ZDHHC11B: variants seen among roughly 807,000 people sequenced by gnomAD.
ZDHHC11B encodes zDHHC palmitoyltransferase 11B (putative), also known as probable palmitoyltransferase ZDHHC11B.
In ZDHHC11B, 17 loss-of-function variants were observed where a neutral mutation model predicts 42.3. The ratio of observed to expected loss-of-function variants is 0.40; its 90% CI spans 0.27 to 0.60. The LOEUF (loss-of-function observed/expected upper bound fraction) is 0.60, where lower values mean the gene tolerates loss of function less well. ZDHHC11B is among the 20% of genes least tolerant of loss of function. The probability of loss-of-function intolerance (pLI) is 0.41; values close to 1 mark genes in which losing one functional copy is unlikely to be tolerated. For missense variants in ZDHHC11B, 262 were observed against 463.2 expected (o/e 0.57, Z 3.99); for synonymous variants, 123 against 193.5 (o/e 0.64, Z 3.02).
At position 766,624 on chromosome 5, in the gene ZDHHC11B, C is replaced by T. The variant is rs1306315616; in HGVS notation, c.222+74G>A. The T allele has an allele frequency of 4.8e-6, 7 of 1,462,550 alleles. No individual in the cohort carries two copies. The African/African-American group carries it at 5.5e-5, about 12-fold the overall frequency. The allele number at this position is 1,462,550 out of a possible 1,614,324, so 90.6% of individuals were successfully genotyped here. ...TGCCACCGGGCAGCCATGGCCCAGA[C>T]CCCACAGCCAGGTCCATCGCAGGGT... is the stretch of plus-strand genomic sequence containing the variant. On this transcript the variant is annotated intron_variant, in intron 4 of 13. Coordinates refer to ENST00000508859, the MANE Select transcript of ZDHHC11B (RefSeq NM_001351303.2).
chr5:736,692 A>T (rs1158045671), intron 10 of ZDHHC11B, among the ~76,000 whole-genome samples: 19 of 135,930 alleles, frequency 1.4e-4, no homozygotes, highest in African/African-American at 5.1e-4. Context: ...AAATATGTAG[A>T]AATTAAATAA....
At chr5:736,832 T>G (rs1743579551) in intron 10 of ZDHHC11B, among the ~76,000 whole-genome samples, 1 of 128,802 alleles carries the variant, frequency 7.8e-6, no homozygotes, top group African/African-American at 2.9e-5. Flanking sequence ...TAAAGGAATG[T>G]TCACAGCATT....
intron 1 of ZDHHC11B, among the ~76,000 whole-genome samples, chr5:770,588 C>A (rs1385713544): frequency 6.6e-6 from 1 of 151,976 alleles, no homozygotes; most frequent in Non-Finnish European, 1.5e-5. Context: ...CTGTGACGTG[C>A]TGCCTTCCTC....
At chr5:749,887 C>T (rs1745378445) in intron 7 of ZDHHC11B, among the ~76,000 whole-genome samples, 2 of 122,996 alleles carry the variant, frequency 1.6e-5, no homozygotes, top group African/African-American at 2.8e-5. Flanking sequence ...GAGGTCAGGG[C>T]CTCGCCAGGG....
intron 9 of ZDHHC11B, among the ~76,000 whole-genome samples, chr5:744,500 T>G (rs1157485201): frequency 6.7e-6 from 1 of 149,222 alleles, no homozygotes; most frequent in African/African-American, 2.5e-5. Flanking sequence ...TATGTCTATT[T>G]AGACTTTCTA....
intron 1 of ZDHHC11B, among the ~76,000 whole-genome samples, chr5:771,799 G>A (rs1736078987): frequency 1.3e-5 from 2 of 148,788 alleles, no homozygotes; most frequent in African/African-American, 4.9e-5. Context: ...ACTCAGGGCT[G>A]CGTTCTGTGG....
At chr5:784,614 C>T (rs1399966219) in intron 1 of ZDHHC11B, among the ~76,000 whole-genome samples, 54 bp downstream of exon 1, 2 of 151,944 alleles carry the variant, frequency 1.3e-5, no homozygotes, top group Non-Finnish European at 2.9e-5. Context: ...CCAGTCTCCG[C>T]CCCCGGGTGC....
chr5:750,579 G>A (rs1260733555), intron 7 of ZDHHC11B, among the ~76,000 whole-genome samples: 4 of 130,500 alleles, frequency 3.1e-5, no homozygotes, highest in African/African-American at 1.0e-4. Context: ...CGGGATCTGG[G>A]TTAGGCGTGG....
intron 9 of ZDHHC11B, among the ~76,000 whole-genome samples, chr5:744,235 T>A (rs1579313655): frequency 6.7e-6 from 1 of 149,936 alleles, no homozygotes; most frequent in African/African-American, 2.4e-5. Context: ...CCCAAGGTCT[T>A]ATCAGTGATC....
chr5:757,510 T>C (rs1265631012), intron 4 of ZDHHC11B, among the ~76,000 whole-genome samples: 3 of 151,886 alleles, frequency 2.0e-5, no homozygotes, highest in Non-Finnish European at 4.4e-5. Flanking sequence ...TGGCACCACC[T>C]TGGGGCATGG....
In ZDHHC11B at chr5:774,896, G is replaced by A. The variant is rs367768927; in HGVS notation, c.-229-5966C>T. Among the ~76,000 whole-genome samples the A allele has an allele frequency of 3.0e-4, 45 of 152,112 alleles. No homozygotes were observed. The South Asian group carries it at 8.7e-3, about 30-fold the overall frequency. ...CCTTGTTCACTGCCCACGCCCACGC[G>A]GGGGTGGCGCCGACAGAGCCTACAC... On this transcript the variant is annotated intron_variant, in intron 1 of 13. Coordinates refer to ENST00000508859, the MANE Select transcript of ZDHHC11B (RefSeq NM_001351303.2).
At chr5:766,647 G>T in intron 4 of ZDHHC11B, 51 bp downstream of exon 4, 3 of 1,536,166 alleles carry the variant, frequency 2.0e-6, no homozygotes, top group Non-Finnish European at 2.7e-6. Context: ...TCCATCGCAG[G>T]GTCCTCCAGG....
chr5:766,624 C>A, intron 4 of ZDHHC11B, 74 bp downstream of exon 4: 3 of 1,462,666 alleles, frequency 2.1e-6, no homozygotes, highest in Non-Finnish European at 1.9e-6. Context: ...ATGGCCCAGA[C>A]CCCACAGCCA....
intron 1 of ZDHHC11B, among the ~76,000 whole-genome samples, chr5:777,114 G>T (rs1452465404): frequency 6.6e-6 from 1 of 151,942 alleles, no homozygotes; most frequent in Non-Finnish European, 1.5e-5. Flanking sequence ...AGTTCTTAAA[G>T]ATGGCGACCC....
intron 10 of ZDHHC11B, among the ~76,000 whole-genome samples, chr5:739,911 C>G (rs1269546160): frequency 1.3e-5 from 2 of 150,908 alleles, no homozygotes; most frequent in South Asian, 4.2e-4. Flanking sequence ...TATTTGTGAT[C>G]TGTATATATG....
At chr5:780,672 GGT>G (rs1419165860) in intron 1 of ZDHHC11B, among the ~76,000 whole-genome samples, 22 of 144,460 alleles carry the variant, frequency 1.5e-4, no homozygotes, top group South Asian at 6.4e-4. Context: ...CCAGGTGCCA[GGT>G]GGGGCCCTCC....
intron 12 of ZDHHC11B, among the ~76,000 whole-genome samples, chr5:721,207 A>C (rs1742158270): frequency 6.6e-6 from 1 of 151,170 alleles, no homozygotes; most frequent in Non-Finnish European, 1.5e-5. Flanking sequence ...AAATGTACAA[A>C]AAAGGAAAGA....
intron 4 of ZDHHC11B, among the ~76,000 whole-genome samples, chr5:759,914 C>T (rs1227643200): frequency 2.0e-5 from 3 of 151,914 alleles, no homozygotes; most frequent in Non-Finnish European, 4.4e-5. Context: ...ATGCTGCTGG[C>T]CAAGGGGCCC....
intron 4 of ZDHHC11B, among the ~76,000 whole-genome samples, chr5:759,591 C>T (rs374857329): frequency 5.5e-4 from 83 of 152,032 alleles, no homozygotes; most frequent in African/African-American, 1.8e-3. Flanking sequence ...GCTGTGGTGG[C>T]GGCGGAGCCT....
Sources: gnomAD v4.1 joint callset for allele counts (sites outside exome capture counted in the v4.1 genomes callset) on GRCh38, gnomAD v4.1.1 for gene constraint, MANE v1.5 for transcripts, NCBI Gene and HGNC (gene_info 2026-07-23, HGNC 2026-07-21) for gene names.